ABRAXAS2: variants seen among roughly 807,000 people sequenced by gnomAD.
The protein encoded by ABRAXAS2 is abraxas 2, BRISC complex subunit.
A neutral mutation model predicts 49.0 loss-of-function variants in ABRAXAS2; 23 were observed. That is an observed-to-expected ratio of 0.47 (90% CI 0.34 to 0.66). The LOEUF (loss-of-function observed/expected upper bound fraction) is 0.66, where lower values mean the gene tolerates loss of function less well. Ranked by LOEUF, ABRAXAS2 falls within the 30% of genes least tolerant of loss-of-function variation. The probability of loss-of-function intolerance (pLI) is 0.01; values close to 1 mark genes in which losing one functional copy is unlikely to be tolerated. For synonymous variants in ABRAXAS2, 168 were observed against 180.2 expected, an observed-to-expected ratio of 0.93 and a Z score of 0.54; for missense variants, 443 against 511.9, an observed-to-expected ratio of 0.87 and a Z score of 1.30.
At chr10:124,813,180 G>T (rs563887871) in intron 2 of ABRAXAS2, among the ~76,000 whole-genome samples, 1 of 152,124 alleles carries the variant, frequency 6.6e-6, no homozygotes, top group Non-Finnish European at 1.5e-5. Flanking sequence ...CAGCCTGGGC[G>T]ACAAAGCGAG....
chr10:124,826,803 A>G lies in ABRAXAS2; in HGVS notation c.458+18A>G. The G allele has an allele frequency of 6.2e-7, 1 of 1,612,098 alleles. No individual in the cohort carries two copies. Among genetic ancestry groups the G allele is most frequent in the South Asian group, 1.1e-5 (1 of 90,940 alleles). Reference sequence around the variant, plus strand: ...AATAGAAGGTAAAGCTTGCTTTTCCATCTGCCTCACATATAAGAAGGACGT... The same window carrying G: ...AATAGAAGGTAAAGCTTGCTTTTCCGTCTGCCTCACATATAAGAAGGACGT... On this transcript the variant is annotated intron_variant, in intron 5 of 8. Coordinates refer to ENST00000298492, the MANE Select transcript of ABRAXAS2 (RefSeq NM_032182.4).
At position 124,816,626 on chromosome 10, in the gene ABRAXAS2, A is replaced by G. The variant is rs1420445581; in HGVS notation, c.200+14A>G. On this transcript the variant is annotated intron_variant, in intron 3 of 8. Transcript: ENST00000298492. ...AAAACTTTTTAGGTAAGCCATATGT[A>G]AGCTTTTAGTCCTTACTAAAAGGAT... 2 of 1,583,248 alleles carry G rather than the reference A, an allele frequency of 1.3e-6. No homozygotes were observed. Among genetic ancestry groups the G allele is most frequent in the Non-Finnish European group, 1.7e-6 (2 of 1,153,954 alleles).
In ABRAXAS2 at chr10:124,827,766, C is replaced by A. The variant is rs1022306602; in HGVS notation, c.458+981C>A. Among the ~76,000 whole-genome samples, 16 of 146,694 alleles carry A rather than the reference C, an allele frequency of 1.1e-4. No individual in the cohort carries two copies. The East Asian group carries it at 2.0e-3, about 18-fold the overall frequency. On this transcript the variant is annotated intron_variant, in intron 5 of 8. Coordinates refer to ENST00000298492, the MANE Select transcript of ABRAXAS2 (RefSeq NM_032182.4). ...TTGTTAAACCAAAAAAAAAAAAAAA[C>A]CACCCCTATGATTATATGATCATGT...
intron 4 of ABRAXAS2, among the ~76,000 whole-genome samples, chr10:124,822,790 T>TAAAAAA (rs1950870310): frequency 1.0e-5 from 1 of 95,556 alleles, no homozygotes; most frequent in Non-Finnish European, 2.0e-5. Context: ...AGACTCCAAC[T>TAAAAAA]CAAAAAAAAA....
At chr10:124,806,984 T>C in intron 2 of ABRAXAS2, 63 bp downstream of exon 2, 1 of 1,282,384 alleles carries the variant, frequency 7.8e-7, no homozygotes, top group Non-Finnish European at 1.1e-6. Flanking sequence ...ATGTTTGTTT[T>C]GTTGTTTTGC....
At chr10:124,803,651 C>A (rs549817470) in intron 1 of ABRAXAS2, among the ~76,000 whole-genome samples, 1 of 152,294 alleles carries the variant, frequency 6.6e-6, no homozygotes, top group African/African-American at 2.4e-5. Flanking sequence ...CCTGTAATCC[C>A]AGCACTTTGG....
In ABRAXAS2 at chr10:124,831,328, CGTT is replaced by C. The variant is rs772218239; in HGVS notation, c.664-18_664-16del. On this transcript the variant is annotated intron_variant, in intron 7 of 8. Coordinates refer to ENST00000298492, the MANE Select transcript of ABRAXAS2 (RefSeq NM_032182.4). ...TTGTGCTTGAACTTGAAGCTAACCT[CGTT>C]GTCATTTTTTTCCTCAGGCAGTGTG... is the stretch of plus-strand genomic sequence containing the variant. The C allele has an allele frequency of 1.3e-5, 19 of 1,473,662 alleles. No individual in the cohort carries two copies. Among genetic ancestry groups the C allele is most frequent in the South Asian group, 1.3e-4 (11 of 87,706 alleles). The allele number at this position is 1,473,662 out of a possible 1,614,324, so 91.3% of individuals were successfully genotyped here.
chr10:124,804,453 C>T (rs1950726998), intron 1 of ABRAXAS2, among the ~76,000 whole-genome samples: 1 of 152,146 alleles, frequency 6.6e-6, no homozygotes. Context: ...AGGAATCTAG[C>T]TATGTTCTTA....
chr10:124,811,218 A>C (rs1225101139), intron 2 of ABRAXAS2, among the ~76,000 whole-genome samples: 1 of 151,926 alleles, frequency 6.6e-6, no homozygotes, highest in African/African-American at 2.4e-5. Context: ...TCTCAAAAAA[A>C]TAAATAAATA....
intron 1 of ABRAXAS2, among the ~76,000 whole-genome samples, chr10:124,804,074 A>T (rs1262124876): frequency 1.3e-5 from 2 of 150,586 alleles, no homozygotes; most frequent in East Asian, 1.9e-4. Context: ...ATGTCCTTTT[A>T]AAAAAAAAAT....
At chr10:124,810,374 A>G (rs528202058) in intron 2 of ABRAXAS2, among the ~76,000 whole-genome samples, 15 of 152,094 alleles carry the variant, frequency 9.9e-5, no homozygotes, top group South Asian at 6.2e-4. Flanking sequence ...AGAAATTTTT[A>G]TAATTAGCCA....
At chr10:124,822,926 G>C (rs888117765) in intron 4 of ABRAXAS2, among the ~76,000 whole-genome samples, 2 of 152,180 alleles carry the variant, frequency 1.3e-5, no homozygotes, top group African/African-American at 2.4e-5. Context: ...TTGCTATCTA[G>C]AGTTGACTGC....
At chr10:124,828,073 G>C (rs1950907826) in intron 5 of ABRAXAS2, among the ~76,000 whole-genome samples, 1 of 152,092 alleles carries the variant, frequency 6.6e-6, no homozygotes, top group South Asian at 2.1e-4. Context: ...TGTATCCTTG[G>C]GTTGTCTGTA....
At chr10:124,812,019 C>T (rs61872096) in intron 2 of ABRAXAS2, among the ~76,000 whole-genome samples, 29,213 of 152,062 alleles carry the variant, frequency 0.19, 3,322 homozygotes, top group Non-Finnish European at 0.26. Context: ...TTGGGTGATC[C>T]GCCCACCTTG....
intron 2 of ABRAXAS2, among the ~76,000 whole-genome samples, chr10:124,810,701 G>C (rs943456920): frequency 1.3e-5 from 2 of 150,878 alleles, no homozygotes; most frequent in Non-Finnish European, 2.9e-5. Flanking sequence ...TCCTGCTTCA[G>C]CCTCCCGAGT....
At chr10:124,814,322 A>G (rs1950809392) in intron 2 of ABRAXAS2, among the ~76,000 whole-genome samples, 1 of 151,522 alleles carries the variant, frequency 6.6e-6, no homozygotes, top group Non-Finnish European at 1.5e-5. Context: ...AGAAGGAAAT[A>G]TTACTAGGTG....
intron 8 of ABRAXAS2, among the ~76,000 whole-genome samples, chr10:124,832,871 G>T (rs1486484380): frequency 6.6e-6 from 1 of 151,082 alleles, no homozygotes; most frequent in Non-Finnish European, 1.5e-5. Context: ...AAAGAGGCCG[G>T]GCATGCTGGC....
intron 2 of ABRAXAS2, among the ~76,000 whole-genome samples, chr10:124,815,716 C>T (rs1243040724): frequency 6.6e-6 from 1 of 151,800 alleles, no homozygotes; most frequent in Non-Finnish European, 1.5e-5. Context: ...GAAGCTTTTA[C>T]GATCTACCCT....
At chr10:124,807,747 C>T (rs1236122267) in intron 2 of ABRAXAS2, among the ~76,000 whole-genome samples, 2 of 152,080 alleles carry the variant, frequency 1.3e-5, no homozygotes, top group Non-Finnish European at 2.9e-5. Flanking sequence ...CCTTACCCAC[C>T]AATGGGGGTG....
Sources: gnomAD v4.1 joint callset for allele counts (sites outside exome capture counted in the v4.1 genomes callset) on GRCh38, gnomAD v4.1.1 for gene constraint, MANE v1.5 for transcripts, NCBI Gene and HGNC (gene_info 2026-07-23, HGNC 2026-07-21) for gene names.